The following MMP16 variants were observed in gnomAD, a reference collection of about 807,000 sequenced individuals.
MMP16 encodes the protein matrix metallopeptidase 16.
A neutral mutation model predicts 67.8 loss-of-function variants in MMP16; 12 were observed. That is an observed-to-expected ratio of 0.18 (90% confidence interval 0.11 to 0.29). The LOEUF (loss-of-function observed/expected upper bound fraction) is 0.29, where lower values mean the gene tolerates loss of function less well. Ranked by LOEUF, MMP16 falls within the 10% of genes least tolerant of loss-of-function variation. The probability of loss-of-function intolerance (pLI) is 1.00; values close to 1 mark genes in which losing one functional copy is unlikely to be tolerated. For synonymous variants in MMP16, 249 were observed against 255.9 expected (o/e 0.97, Z 0.26); for missense variants, 475 against 765.7 (o/e 0.62, Z 4.48).
chr8:88,205,061 G>A (rs1809404784), intron 1 of MMP16, among the ~76,000 whole-genome samples: 1 of 152,126 alleles, frequency 6.6e-6, no homozygotes, highest in Non-Finnish European at 1.5e-5. Flanking sequence ...AAAAACAACT[G>A]CTAGCATGCC....
chr8:88,037,905 A>T lies in MMP16; in HGVS notation c.*3556T>A, dbSNP rs993422925. ...TTTTTGCAGGCATGAATGTGTTTTC[A>T]TTTCAATTTGGGAAATCCTATGTCT... On this transcript the variant is annotated 3_prime_UTR_variant, in exon 10 of 10. Coordinates refer to ENST00000286614, the MANE Select transcript of MMP16 (RefSeq NM_005941.5). 6.6e-6 allele frequency: 1 copy of T among 152,070 alleles called. No homozygotes were observed. Among genetic ancestry groups the T allele is most frequent in the Non-Finnish European group, 1.5e-5 (1 of 67,876 alleles). The allele number at this position is 152,070 out of a possible 1,614,324, so 9.4% of individuals were successfully genotyped here. A position where few individuals can be genotyped will look rare whatever the true frequency, so the allele number is the denominator to read the frequency against.
At chr8:88,276,972 C>T (rs557808971) in intron 1 of MMP16, among the ~76,000 whole-genome samples, 1 of 152,048 alleles carries the variant, frequency 6.6e-6, no homozygotes, top group Non-Finnish European at 1.5e-5. Context: ...TTTTTGGCTA[C>T]ATGTTTTTTC....
chr8:88,076,888 A>G (rs1808660330), intron 6 of MMP16, among the ~76,000 whole-genome samples: 1 of 152,152 alleles, frequency 6.6e-6, no homozygotes, highest in Non-Finnish European at 1.5e-5. Flanking sequence ...ATGGGAGGAA[A>G]TCTGGTGAAA....
At chr8:88,204,706 A>T (rs1809399225) in intron 1 of MMP16, among the ~76,000 whole-genome samples, 1 of 152,174 alleles carries the variant, frequency 6.6e-6, no homozygotes, top group Admixed American at 6.5e-5. Flanking sequence ...ATGTACAATA[A>T]AAAGTGTAGA....
chr8:88,129,615 A>G (rs1807993080), intron 4 of MMP16, among the ~76,000 whole-genome samples: 1 of 151,548 alleles, frequency 6.6e-6, no homozygotes, highest in African/African-American at 2.4e-5. Context: ...TGTTTTTTCT[A>G]TTAATATTTT....
At chr8:88,307,822 A>G (rs938637063) in intron 1 of MMP16, among the ~76,000 whole-genome samples, 4 of 152,068 alleles carry the variant, frequency 2.6e-5, no homozygotes, top group African/African-American at 4.8e-5. Context: ...TAATCTATGG[A>G]AAGAATACAT....
chr8:88,094,686 T>G (rs1048013173), intron 6 of MMP16, among the ~76,000 whole-genome samples: 3 of 151,722 alleles, frequency 2.0e-5, no homozygotes, highest in African/African-American at 7.2e-5. Flanking sequence ...GTAATACATC[T>G]CAAAAGAAGT....
chr8:88,069,204 C>T, intron 7 of MMP16: 1 of 289,680 alleles, frequency 3.5e-6, no homozygotes, highest in Non-Finnish European at 6.7e-6. Context: ...TGAGGCATAT[C>T]TGTCCAGCTA....
intron 1 of MMP16, among the ~76,000 whole-genome samples, chr8:88,217,060 C>G (rs1209091273): frequency 6.6e-6 from 1 of 151,814 alleles, no homozygotes; most frequent in African/African-American, 2.4e-5. Context: ...AACTGAAGAC[C>G]CTTCAAACTA....
chr8:88,261,665 A>G (rs759905438), intron 1 of MMP16, among the ~76,000 whole-genome samples: 2 of 152,038 alleles, frequency 1.3e-5, no homozygotes, highest in Non-Finnish European at 2.9e-5. Context: ...AGACCAGAGA[A>G]GCAACTCAAA....
chr8:88,096,590 C>T (rs994165911), intron 6 of MMP16, among the ~76,000 whole-genome samples: 1 of 151,734 alleles, frequency 6.6e-6, no homozygotes, highest in Admixed American at 6.6e-5. Context: ...ATTTAGGTTC[C>T]TAGTCTTTCA....
At chr8:88,272,440 CT>C (rs1810578486) in intron 1 of MMP16, among the ~76,000 whole-genome samples, 1 of 152,278 alleles carries the variant, frequency 6.6e-6, no homozygotes, top group Middle Eastern at 3.4e-3. Flanking sequence ...TATTTTGTTT[CT>C]GCTTCTCTAT....
At chr8:88,218,760 C>T (rs1287650615) in intron 1 of MMP16, among the ~76,000 whole-genome samples, 1 of 151,974 alleles carries the variant, frequency 6.6e-6, no homozygotes, top group African/African-American at 2.4e-5. Flanking sequence ...TGTGCTTATA[C>T]ACATGCTCAA....
At chr8:88,120,286 G>T (rs1807802545) in intron 4 of MMP16, among the ~76,000 whole-genome samples, 1 of 151,974 alleles carries the variant, frequency 6.6e-6, no homozygotes, top group African/African-American at 2.4e-5. Context: ...ACTAAGGATT[G>T]TGCCTTAGGG....
chr8:88,186,423 C>G, intron 3 of MMP16, 53 bp downstream of exon 3: 1 of 1,605,670 alleles, frequency 6.2e-7, no homozygotes, highest in Non-Finnish European at 8.5e-7. Flanking sequence ...TGTGTCAAAA[C>G]AAATAGTAAT....
intron 1 of MMP16, among the ~76,000 whole-genome samples, chr8:88,255,346 C>CT (rs1453523976): frequency 6.6e-6 from 1 of 152,198 alleles, no homozygotes; most frequent in African/African-American, 2.4e-5. Flanking sequence ...TCGCCAGAAG[C>CT]AGATGCCAGC....
intron 8 of MMP16, among the ~76,000 whole-genome samples, chr8:88,053,381 G>T (rs1218200799): frequency 6.6e-6 from 1 of 152,124 alleles, no homozygotes; most frequent in Non-Finnish European, 1.5e-5. Flanking sequence ...CCACCTTACC[G>T]CAGTACTCAT....
intron 4 of MMP16, among the ~76,000 whole-genome samples, chr8:88,145,052 A>C (rs1453327614): frequency 1.3e-5 from 2 of 152,024 alleles, no homozygotes; most frequent in Non-Finnish European, 2.9e-5. Context: ...GAGTGTCTTC[A>C]AACACTATTC....
At chr8:88,133,658 C>A (rs1269837169) in intron 4 of MMP16, among the ~76,000 whole-genome samples, 3 of 151,584 alleles carry the variant, frequency 2.0e-5, no homozygotes, top group African/African-American at 7.3e-5. Context: ...GTCTTAGTAG[C>A]CATTTTTTGA....
Sources: allele counts gnomAD v4.1 joint callset (sites outside exome capture counted in the v4.1 genomes callset), GRCh38; gene constraint gnomAD v4.1.1; transcripts MANE v1.5; gene names NCBI Gene and HGNC (gene_info 2026-07-23, HGNC 2026-07-21).